The following SLC22A15 variants were observed in gnomAD, a reference collection of about 807,000 sequenced individuals.
The protein encoded by SLC22A15 is flipt 1.
Under a neutral mutation model 62.7 loss-of-function variants are expected in SLC22A15, and 45 were observed. The observed-to-expected ratio is 0.72, with a 90% CI of 0.56 to 0.92. The LOEUF (loss-of-function observed/expected upper bound fraction) is 0.92. SLC22A15 is among the 40% of genes least tolerant of loss of function. SLC22A15 has a pLI of 0.00. For missense variants in SLC22A15, 622 were observed against 665.6 expected, an observed-to-expected ratio of 0.93 and a Z score of 0.72; for synonymous variants, 264 against 267.0, an observed-to-expected ratio of 0.99 and a Z score of 0.11.
At position 116,067,095 on chromosome 1, in the gene SLC22A15, A is replaced by G; in HGVS notation, c.1631A>G (p.Gln544Arg). The G allele has an allele frequency of 6.2e-7, 1 of 1,611,116 alleles. No homozygotes were observed. Among genetic ancestry groups the G allele is most frequent in the Non-Finnish European group, 8.5e-7 (1 of 1,178,708 alleles). Reference sequence around the variant, plus strand: ...TTTTATGATGCAGATGAAGAGACTCAGATGATCAAGTGAAGAGCCCCAGAT... The same window carrying G: ...TTTTATGATGCAGATGAAGAGACTCGGATGATCAAGTGAAGAGCCCCAGAT... ...EEFYDADEETQMIK is the reference protein window; with the variant it reads ...EEFYDADEETRMIK Residue 544 changes from glutamine (Q) to arginine (R), a missense_variant, in exon 12 of 12, where the codon CAG becomes CGG. Transcript: ENST00000369503.
chr1:116,027,766 C>G (rs1182926001), intron 5 of SLC22A15, among the ~76,000 whole-genome samples: 1 of 152,102 alleles, frequency 6.6e-6, no homozygotes, highest in Admixed American at 6.5e-5. Context: ...GCTGGGATCA[C>G]AGGCATGCGC....
chr1:115,993,760 C>G (rs183705515), intron 2 of SLC22A15, among the ~76,000 whole-genome samples: 1 of 152,214 alleles, frequency 6.6e-6, no homozygotes, highest in East Asian at 1.9e-4. Context: ...CAGTAGAGAC[C>G]CTATGAGTTA....
At chr1:116,053,649 A>C (rs948949960) in intron 8 of SLC22A15, among the ~76,000 whole-genome samples, 14 of 152,234 alleles carry the variant, frequency 9.2e-5, no homozygotes, top group Non-Finnish European at 2.1e-4. Flanking sequence ...AAGGGCAGCC[A>C]GAGAGAAAGG....
At chr1:116,045,666 G>C (rs557734860) in intron 8 of SLC22A15, among the ~76,000 whole-genome samples, 12 of 151,216 alleles carry the variant, frequency 7.9e-5, no homozygotes, top group African/African-American at 1.2e-4. Flanking sequence ...TTGAACCCGG[G>C]GGGTAGAGGT....
At chr1:116,032,121 C>G (rs1345112841) in intron 6 of SLC22A15, 2 of 985,206 alleles carry the variant, frequency 2.0e-6, no homozygotes, top group Admixed American at 1.2e-4. Flanking sequence ...GAACCCTAAG[C>G]CACATATGTA....
At chr1:115,987,177 T>G (rs1654913854) in intron 1 of SLC22A15, among the ~76,000 whole-genome samples, 1 of 151,436 alleles carries the variant, frequency 6.6e-6, no homozygotes, top group African/African-American at 2.4e-5. Flanking sequence ...TTTTTTTTTT[T>G]TTTTTTGAGA....
chr1:116,033,035 A>G (rs1657482523), intron 6 of SLC22A15, among the ~76,000 whole-genome samples: 1 of 152,240 alleles, frequency 6.6e-6, no homozygotes, highest in South Asian at 2.1e-4. Flanking sequence ...TTACACAGCC[A>G]AATAAACTTC....
intron 1 of SLC22A15, among the ~76,000 whole-genome samples, chr1:115,978,981 T>A (rs1654463767): frequency 6.6e-6 from 1 of 152,206 alleles, no homozygotes; most frequent in South Asian, 2.1e-4. Flanking sequence ...AGAGGGAGCC[T>A]CTGCTTCAGT....
chr1:116,057,144 C>T (rs536928058), intron 8 of SLC22A15, among the ~76,000 whole-genome samples: 88 of 151,808 alleles, frequency 5.8e-4, no homozygotes, highest in Non-Finnish European at 1.0e-3. Context: ...AGAAAATTTT[C>T]GCAACCTACT....
At chr1:116,062,307 A>ATTT (rs1658404049) in intron 8 of SLC22A15, among the ~76,000 whole-genome samples, 1 of 152,206 alleles carries the variant, frequency 6.6e-6, no homozygotes, top group Non-Finnish European at 1.5e-5. Context: ...GAGAATGCAA[A>ATTT]CTGCATATAA....
intron 1 of SLC22A15, among the ~76,000 whole-genome samples, chr1:115,988,002 T>A (rs2101074910): frequency 6.6e-6 from 1 of 152,358 alleles, no homozygotes; most frequent in Non-Finnish European, 1.5e-5. Context: ...ATGGTGTTAA[T>A]ATGAAATTAC....
At chr1:116,004,834 T>G (rs1473380344) in intron 2 of SLC22A15, among the ~76,000 whole-genome samples, 1 of 152,198 alleles carries the variant, frequency 6.6e-6, no homozygotes, top group Non-Finnish European at 1.5e-5. Flanking sequence ...GTTTTAAAAT[T>G]ATGAATTCAA....
intron 8 of SLC22A15, among the ~76,000 whole-genome samples, chr1:116,048,444 C>T (rs745817505): frequency 1.3e-4 from 20 of 152,142 alleles, no homozygotes; most frequent in African/African-American, 2.7e-4. Context: ...CTCCTCAAAC[C>T]GAACAATTAT....
At chr1:116,040,612 G>T (rs765560113) in intron 8 of SLC22A15, among the ~76,000 whole-genome samples, 1 of 152,038 alleles carries the variant, frequency 6.6e-6, no homozygotes, top group Non-Finnish European at 1.5e-5. Context: ...CTCTTAGAGA[G>T]ATTTTTTTGT....
chr1:116,012,327 T>G (rs1656312988), intron 2 of SLC22A15, among the ~76,000 whole-genome samples: 1 of 152,146 alleles, frequency 6.6e-6, no homozygotes, highest in Non-Finnish European at 1.5e-5. Flanking sequence ...TCCTTCTTGC[T>G]CTTTGGTCTT....
chr1:116,020,448 C>G (rs1167701620), intron 3 of SLC22A15, among the ~76,000 whole-genome samples: 1 of 150,674 alleles, frequency 6.6e-6, no homozygotes, highest in East Asian at 2.0e-4. Flanking sequence ...CCCAGCTACC[C>G]GGGAGGCTGA....
Position 115,992,223 on chromosome 1 carries a change from T to G in SLC22A15, c.280T>G (p.Phe94Val), listed in dbSNP as rs755293902. 24 of 1,595,346 alleles carry G rather than the reference T, an allele frequency of 1.5e-5. No homozygotes were observed. The highest frequency in any genetic ancestry group is 1.7e-4 in the Middle Eastern group (1 of 6,052). ...IHKHVHFSSS[F>V]TSIASEWFLI... ...TAAGCACGTGCATTTCAGCAGCAGC[T>G]TCACCTCCATCGCCTCGGAGGTAAC... Residue 94 changes from phenylalanine to valine, a missense_variant, in exon 2 of 12, where the codon TTC becomes GTC. By Grantham distance (50) the Phe-to-Val change is conservative. Transcript: ENST00000369503.
chr1:116,058,793 A>T (rs1641842265), intron 8 of SLC22A15, among the ~76,000 whole-genome samples: 2 of 152,218 alleles, frequency 1.3e-5, no homozygotes, highest in African/African-American at 4.8e-5. Flanking sequence ...CATAAAAAGG[A>T]ATTAATTAAT....
At chr1:116,009,528 A>G (rs1445786774) in intron 2 of SLC22A15, among the ~76,000 whole-genome samples, 1 of 152,214 alleles carries the variant, frequency 6.6e-6, no homozygotes, top group Non-Finnish European at 1.5e-5. Context: ...ACCAGGCAGC[A>G]TGTTGGCATC....
Sources: allele counts gnomAD v4.1 joint callset (sites outside exome capture counted in the v4.1 genomes callset), GRCh38; gene constraint gnomAD v4.1.1; transcripts MANE v1.5; gene names NCBI Gene and HGNC (gene_info 2026-07-23, HGNC 2026-07-21).